ADAMTS3: variants seen among roughly 807,000 people sequenced by gnomAD.
ADAMTS3 encodes the protein A disintegrin and metalloproteinase with thrombospondin motifs 3.
In ADAMTS3, 73 loss-of-function variants were observed where a neutral mutation model predicts 129.0. The observed-to-expected ratio is 0.57, with a 90% CI of 0.47 to 0.69. The LOEUF is 0.69. ADAMTS3 is among the 30% of genes least tolerant of loss of function. The pLI, the probability that ADAMTS3 is intolerant of heterozygous loss-of-function variation, is 0.00. For missense variants in ADAMTS3, 1,457 were observed against 1,514.5 expected, an observed-to-expected ratio of 0.96 and a Z score of 0.63; for synonymous variants, 477 against 510.8, an observed-to-expected ratio of 0.93 and a Z score of 0.89.
chr4:72,503,982 T>C (rs1720089985), intron 3 of ADAMTS3, among the ~76,000 whole-genome samples: 2 of 152,226 alleles, frequency 1.3e-5, no homozygotes, highest in South Asian at 2.1e-4. Flanking sequence ...TTTGATATTA[T>C]GGATGTCATT....
In ADAMTS3 at chr4:72,283,567, G is replaced by T; in HGVS notation, c.3187C>A (p.Leu1063Ile). ...RSSTLPPPYL[L>I]EAAETHDDVI... ...TCATCATGAGTTTCAGCAGCTTCTAGAAGGTATGGTGGTGGCAGGGTGCTA... is the reference window on the plus strand; with the variant it reads ...TCATCATGAGTTTCAGCAGCTTCTATAAGGTATGGTGGTGGCAGGGTGCTA... The change falls in exon 22 of 22, where the codon CTA (leucine) becomes ATA (isoleucine). Residue 1063 changes from leucine to isoleucine, a missense_variant. Coordinates refer to ENST00000286657, the MANE Select transcript of ADAMTS3 (RefSeq NM_014243.3). The T allele has an allele frequency of 1.2e-6, 2 of 1,614,090 alleles. No individual in the cohort carries two copies. The highest frequency in any genetic ancestry group is 3.3e-5 in the Admixed American group (2 of 60,020).
At chr4:72,289,191 A>T (rs1193172481) in intron 20 of ADAMTS3, among the ~76,000 whole-genome samples, 1 of 152,190 alleles carries the variant, frequency 6.6e-6, no homozygotes, top group Non-Finnish European at 1.5e-5. Context: ...AACAAAGTGT[A>T]TAAAGCAGTA....
chr4:72,376,961 A>G (rs1216223060), intron 4 of ADAMTS3, among the ~76,000 whole-genome samples: 4 of 152,204 alleles, frequency 2.6e-5, no homozygotes, highest in African/African-American at 9.6e-5. Context: ...CTGAAGTGGC[A>G]TGAATAAACA....
At chr4:72,356,990 T>C (rs1030455050) in intron 4 of ADAMTS3, among the ~76,000 whole-genome samples, 2 of 152,038 alleles carry the variant, frequency 1.3e-5, no homozygotes, top group South Asian at 2.1e-4. Context: ...TTCTTAGACA[T>C]GTACTTAATA....
chr4:72,438,566 C>G (rs1578680162), intron 3 of ADAMTS3, among the ~76,000 whole-genome samples: 1 of 151,656 alleles, frequency 6.6e-6, no homozygotes, highest in East Asian at 2.0e-4. Context: ...GTTCTCCTAG[C>G]TGCTTTTGAA....
intron 3 of ADAMTS3, among the ~76,000 whole-genome samples, chr4:72,488,008 T>A (rs894513337): frequency 1.3e-5 from 2 of 152,020 alleles, no homozygotes; most frequent in African/African-American, 4.8e-5. Flanking sequence ...AATGCCCAAA[T>A]ATTGTGCACT....
At chr4:72,425,598 C>G (rs901476693) in intron 3 of ADAMTS3, among the ~76,000 whole-genome samples, 2 of 152,038 alleles carry the variant, frequency 1.3e-5, no homozygotes, top group African/African-American at 2.4e-5. Flanking sequence ...GGTTTTTTGT[C>G]TTTGCAATAG....
chr4:72,384,791 T>G (rs905064713), intron 4 of ADAMTS3, among the ~76,000 whole-genome samples: 16 of 152,170 alleles, frequency 1.1e-4, no homozygotes, highest in African/African-American at 3.1e-4. Context: ...ATTCAATTTC[T>G]TTAAAATATT....
chr4:72,545,879 T>C (rs747569992), intron 3 of ADAMTS3, among the ~76,000 whole-genome samples: 17 of 152,222 alleles, frequency 1.1e-4, no homozygotes, highest in Non-Finnish European at 2.1e-4. Flanking sequence ...TAAAAACTTA[T>C]GCCTATTTTT....
chr4:72,515,105 G>A (rs189468263), intron 3 of ADAMTS3, among the ~76,000 whole-genome samples: 432 of 152,126 alleles, frequency 2.8e-3, no homozygotes, highest in African/African-American at 9.8e-3. Context: ...TTGTCCTTGC[G>A]ATAGTTTGCT....
intron 4 of ADAMTS3, among the ~76,000 whole-genome samples, chr4:72,368,403 G>A (rs1000038175): frequency 6.6e-6 from 1 of 152,078 alleles, no homozygotes; most frequent in African/African-American, 2.4e-5. Flanking sequence ...TTGAGGACAA[G>A]GAGTACAGAT....
At chr4:72,332,856 C>T (rs976155682) in intron 5 of ADAMTS3, among the ~76,000 whole-genome samples, 7 of 152,104 alleles carry the variant, frequency 4.6e-5, no homozygotes, top group African/African-American at 1.7e-4. Context: ...TGACTTGAAT[C>T]GTACAAACAA....
intron 4 of ADAMTS3, among the ~76,000 whole-genome samples, chr4:72,395,556 G>A (rs1721705863): frequency 6.6e-6 from 1 of 152,140 alleles, no homozygotes; most frequent in African/African-American, 2.4e-5. Flanking sequence ...TATCCAATAG[G>A]GAGTTGGGAG....
chr4:72,312,277 A>G lies in ADAMTS3; in HGVS notation c.1921+14T>C. 6.2e-7 allele frequency: 1 copy of G among 1,613,176 alleles called. No individual in the cohort carries two copies. Among genetic ancestry groups the G allele is most frequent in the South Asian group, 1.1e-5 (1 of 91,026 alleles). On this transcript the variant is annotated intron_variant, in intron 13 of 21. Coordinates refer to ENST00000286657, the MANE Select transcript of ADAMTS3 (RefSeq NM_014243.3). Reference sequence around the variant, plus strand: ...CCATCCACACAGCAGGAAGGAGAGCACGAGGCTACTCACGGTCAGGATGTT... The same window carrying G: ...CCATCCACACAGCAGGAAGGAGAGCGCGAGGCTACTCACGGTCAGGATGTT...
intron 4 of ADAMTS3, among the ~76,000 whole-genome samples, chr4:72,359,462 A>G (rs1257379732): frequency 6.6e-6 from 1 of 152,064 alleles, no homozygotes; most frequent in Admixed American, 6.6e-5. Context: ...TATATGAGTT[A>G]ACATTTTAAT....
At chr4:72,530,474 T>TAATATATAAATATATAAAA (rs1248441488) in intron 3 of ADAMTS3, among the ~76,000 whole-genome samples, 1 of 19,422 alleles carries the variant, frequency 5.1e-5, no homozygotes, top group Admixed American at 7.7e-4. Flanking sequence ...TATATTAATT[T>TAATATATAAATATATAAAA]AATATATAAA....
intron 4 of ADAMTS3, among the ~76,000 whole-genome samples, chr4:72,390,921 T>G (rs911719563): frequency 1.3e-5 from 2 of 151,712 alleles, no homozygotes; most frequent in African/African-American, 2.4e-5. Context: ...TGGCTAAACT[T>G]TTTTTTTAAA....
chr4:72,379,539 A>G (rs1019721223), intron 4 of ADAMTS3, among the ~76,000 whole-genome samples: 4 of 152,184 alleles, frequency 2.6e-5, no homozygotes, highest in Non-Finnish European at 4.4e-5. Flanking sequence ...TTCAAAAGAA[A>G]TAAGTTCAAG....
At chr4:72,480,735 G>A (rs1255938849) in intron 3 of ADAMTS3, among the ~76,000 whole-genome samples, 1 of 149,230 alleles carries the variant, frequency 6.7e-6, no homozygotes, top group African/African-American at 2.5e-5. Context: ...AGAAACAAGA[G>A]GAAATAAAAG....
Sources: gnomAD v4.1 joint callset for allele counts (sites outside exome capture counted in the v4.1 genomes callset) on GRCh38, gnomAD v4.1.1 for gene constraint, MANE v1.5 for transcripts, NCBI Gene and HGNC (gene_info 2026-07-23, HGNC 2026-07-21) for gene names.